CLUH: variants seen among roughly 807,000 people sequenced by gnomAD.
CLUH encodes clustered mitochondria protein homolog.
Under a neutral mutation model 139.3 loss-of-function variants are expected in CLUH, and 77 were observed. The observed-to-expected ratio is 0.55, with a 90% CI of 0.46 to 0.67. The LOEUF is 0.67. Among genes scored for constraint, CLUH ranks in the 30% least tolerant of loss-of-function variants. The pLI is 0.00. For synonymous variants in CLUH, 999 were observed against 801.6 expected (o/e 1.25, Z -4.16); for missense variants, 1,876 against 1,875.8 (o/e 1.00, Z 0.00).
rs1394219601 is a variant in CLUH at position 2,692,831 on chromosome 17, C to T, written c.3261G>A (p.Leu1087=). The part of the protein sequence containing the change: ...EALSNQQKAV[L]MSERVMGTEH... Reference sequence around the variant, plus strand: ...CGGTGCCCATCACCCGCTCGCTCATCAGCACCGCCTTCTGCTGGTTACTCA... The same window carrying T: ...CGGTGCCCATCACCCGCTCGCTCATTAGCACCGCCTTCTGCTGGTTACTCA... The change falls in exon 20 of 26, where the codon CTG becomes CTA. Residue 1087 remains leucine (L), a synonymous_variant. Coordinates refer to ENST00000651024, the MANE Select transcript of CLUH (RefSeq NM_001366661.1). The T allele has an allele frequency of 1.2e-6, 2 of 1,603,486 alleles. No individual in the cohort carries two copies. The highest frequency in any genetic ancestry group is 8.5e-7 in the Non-Finnish European group (1 of 1,173,326).
Position 2,691,925 on chromosome 17 carries a change from C to T in CLUH, c.3655-30G>A, listed in dbSNP as rs757252647. 515 of 1,459,352 alleles carry T rather than the reference C, an allele frequency of 3.5e-4. 3 individuals carry two copies. The highest frequency in any genetic ancestry group is 4.3e-4 in the Non-Finnish European group (476 of 1,101,844). 90.4% of individuals were successfully genotyped at this position (1,459,352 alleles called of 1,614,324 possible). A position where few individuals can be genotyped will look rare whatever the true frequency, so the allele number is the denominator to read the frequency against. On this transcript the variant is annotated intron_variant, in intron 23 of 25. Coordinates refer to ENST00000651024, the MANE Select transcript of CLUH (RefSeq NM_001366661.1). ...GGGGAGGCGGGAAGGGATCAGGCCC[C>T]CCCGTGCCCCCGCGGCCCCGCCCCC...
rs545856331 is a variant in CLUH at position 2,690,289 on chromosome 17, C to T, written c.*305G>A. 129 of 354,066 alleles carry T rather than the reference C, an allele frequency of 3.6e-4. 1 individual carries two copies. The South Asian group carries it at 9.5e-3, about 26-fold the overall frequency. 21.9% of individuals were successfully genotyped at this position (354,066 alleles called of 1,614,324 possible). On this transcript the variant is annotated 3_prime_UTR_variant, in exon 26 of 26. Transcript: ENST00000651024. ...CAACACTCACAGCCAGGGGCGCACT[C>T]GCACACGCCGGCCGGACGGCGGGGG...
At position 2,695,121 on chromosome 17, in the gene CLUH, C is replaced by T. The variant is rs556159791; in HGVS notation, c.2608-20G>A. On this transcript the variant is annotated intron_variant, in intron 15 of 25. Coordinates refer to ENST00000651024, the MANE Select transcript of CLUH (RefSeq NM_001366661.1). ...GACTCCCTGCGAGGCAGGTTGGATC[C>T]GAGTCATGAGGGCCCTCAGCCCCAC... 109 of 1,612,302 alleles carry T rather than the reference C, an allele frequency of 6.8e-5. 1 individual carries two copies. The South Asian group carries it at 1.1e-3, about 16-fold the overall frequency.
Position 2,689,546 on chromosome 17 carries a change from G to T in CLUH, c.*1048C>A, listed in dbSNP as rs1183632484. The T allele has an allele frequency of 2.6e-5, 4 of 152,826 alleles. No homozygotes were observed. The allele number at this position is 152,826 out of a possible 1,614,324, so 9.5% of individuals were successfully genotyped here. ...TCTGGACGGACCACACCCATAAGCG[G>T]CTCTCCGCAAACCCAGGCAGACGCC... On this transcript the variant is annotated 3_prime_UTR_variant, in exon 26 of 26. Transcript: ENST00000651024.
At position 2,704,528 on chromosome 17, in the gene CLUH, G is replaced by A. The variant is rs1041341826; in HGVS notation, c.137C>T (p.Pro46Leu). 1.9e-6 allele frequency: 3 copies of A among 1,579,348 alleles called. No individual in the cohort carries two copies. The highest frequency in any genetic ancestry group is 2.7e-5 in the African/African-American group (2 of 74,036). Reference protein sequence around the residue: ...PSVMLLNGDCPESLKKEAAAA... With the variant: ...PSVMLLNGDCLESLKKEAAAA... ...CGCCGCCTCCTTCTTCAGGCTCTCT[G>A]GGCAGTCCCCGTTTAAGAGCATGAC... The change falls in exon 2 of 26, where the codon CCA (proline) becomes CTA (leucine). Residue 46 changes from proline (P) to leucine (L), a missense_variant. This residue lies in a region of CLUH where 152 missense variants were observed against 136.7 expected (regional missense o/e 1.11). Coordinates refer to ENST00000651024, the MANE Select transcript of CLUH (RefSeq NM_001366661.1). This position sits in a 1 kb window ranked among gnomAD's most constrained non-coding sequence, Gnocchi z 5.7.
In CLUH at chr17:2,696,249, G is replaced by A. The variant is rs1377857441; in HGVS notation, c.2301C>T (p.Phe767=). Residue 767 remains phenylalanine, a synonymous_variant, in exon 13 of 26, where the codon TTC becomes TTT. Transcript: ENST00000651024. The stretch of plus-strand genomic sequence containing the variant: ...GAACTTCATCCTGGCAGGACTCAGG[G>A]AAACGAACCCCTGGAGGAGGGAGAG... ...NPDIFSPGVR[F]PESCQDEVRD... 9.5e-6 allele frequency: 15 copies of A among 1,573,228 alleles called. No homozygotes were observed. Among genetic ancestry groups the A allele is most frequent in the Non-Finnish European group, 1.3e-5 (15 of 1,159,896 alleles).
rs1372955708 is a variant in CLUH, at chr17:2,696,923, G to A, written c.1981C>T (p.Leu661=). 6.3e-7 allele frequency: 1 copy of A among 1,596,682 alleles called. No individual in the cohort carries two copies. The highest frequency in any genetic ancestry group is 8.5e-7 in the Non-Finnish European group (1 of 1,172,002). Reference sequence around the variant, plus strand: ...TGCTGCATCAGCTGCAAGGCGGCCAGCTTCATAAAGAGGAGGTACCTGGAG... The same window carrying A: ...TGCTGCATCAGCTGCAAGGCGGCCAACTTCATAAAGAGGAGGTACCTGGAG... The part of the protein sequence containing the change: ...VEHRYLLFMK[L]AALQLMQQNA... Residue 661 remains leucine (L), a synonymous_variant, in exon 11 of 26, where the codon CTG becomes TTG. Transcript: ENST00000651024.
intron 19 of CLUH, 99 bp downstream of exon 19, chr17:2,693,801 G>GGGTCTCC (rs1239533844): frequency 4.2e-6 from 6 of 1,433,140 alleles, no homozygotes; most frequent in Non-Finnish European, 4.7e-6. Flanking sequence ...CGACTTCCTG[G>GGGTCTCC]GGTCTCCCTG....
intron 1 of CLUH, among the ~76,000 whole-genome samples, chr17:2,708,727 C>CGACCCGCTCCCATG (rs908579953): frequency 2.0e-5 from 3 of 151,936 alleles, no homozygotes; most frequent in Admixed American, 6.6e-5. Flanking sequence ...CTGCTCCCGC[C>CGACCCGCTCCCATG]GACCCGCTCC....
In CLUH at chr17:2,704,261, A is replaced by G; in HGVS notation, c.303+101T>C. 1 of 1,284,138 alleles carries G rather than the reference A, an allele frequency of 7.8e-7. No homozygotes were observed. Among genetic ancestry groups the G allele is most frequent in the Non-Finnish European group, 1.1e-6 (1 of 936,634 alleles). 79.5% of individuals were successfully genotyped at this position (1,284,138 alleles called of 1,614,324 possible). A position where few individuals can be genotyped will look rare whatever the true frequency, so the allele number is the denominator to read the frequency against. On this transcript the variant is annotated intron_variant, in intron 2 of 25. Coordinates refer to ENST00000651024, the MANE Select transcript of CLUH (RefSeq NM_001366661.1). This position sits in a 1 kb window ranked among gnomAD's most constrained non-coding sequence, Gnocchi z 5.7. ...GGCACGGGATCCTCAGTTTCCTGCCACAAAATGGGGCCGGTAGGAGCACGA... is the reference window on the plus strand; with the variant it reads ...GGCACGGGATCCTCAGTTTCCTGCCGCAAAATGGGGCCGGTAGGAGCACGA...
intron 13 of CLUH, 72 bp downstream of exon 13, chr17:2,696,087 C>T: frequency 7.8e-7 from 1 of 1,277,406 alleles, no homozygotes; most frequent in Non-Finnish European, 1.1e-6. Context: ...TCATGGGCCT[C>T]CAAGTCGGAG....
At chr17:2,694,611 CCCCCAACACCGCCCCACCCAGCT>C in intron 16 of CLUH, 47 bp from the exon 17 acceptor site, 2 of 1,494,108 alleles carry the variant, frequency 1.3e-6, no homozygotes, top group Middle Eastern at 1.9e-4. Context: ...CCGCCGGGCC[CCCCCAACACCGCCCCACCCAGCT>C]CCCCAACGCT....
In CLUH at chr17:2,704,458, C is replaced by T. The variant is rs367607882; in HGVS notation, c.207G>A (p.Pro69=). 9 of 1,603,760 alleles carry T rather than the reference C, an allele frequency of 5.6e-6. No individual in the cohort carries two copies. Among genetic ancestry groups the T allele is most frequent in the African/African-American group, 1.3e-5 (1 of 74,622 alleles). ...PRENGLDEAG[P]GDETTGQEVI... ...CTTCCTGGCCGGTGGTCTCATCTCC[C>T]GGGCCGGCCTCGTCAAGCCCATTTT... The change falls in exon 2 of 26, where the codon CCG becomes CCA. Residue 69 remains proline (P), a synonymous_variant. Transcript: ENST00000651024. This position sits in a 1 kb window ranked among gnomAD's most constrained non-coding sequence, Gnocchi z 5.7.
Position 2,707,517 on chromosome 17 carries a change from T to C in CLUH, c.101-2953A>G, listed in dbSNP as rs1273164184. 3.0e-6 allele frequency: 3 copies of C among 985,188 alleles called. No individual in the cohort carries two copies. The highest frequency in any genetic ancestry group is 3.5e-5 in the African/African-American group (2 of 57,222). 61.0% of individuals were successfully genotyped at this position (985,188 alleles called of 1,614,324 possible). On this transcript the variant is annotated intron_variant, in intron 1 of 25. Coordinates refer to ENST00000651024, the MANE Select transcript of CLUH (RefSeq NM_001366661.1). This position sits in a 1 kb window ranked among gnomAD's most constrained non-coding sequence, Gnocchi z 7.4. ...ATCAGCACTCAGGCCCACCTCCCTA[T>C]GCCCCCTAGAGAGGGGGTCACTGCC...
chr17:2,696,365 A>C, intron 12 of CLUH, 69 bp downstream of exon 12: 1 of 1,515,118 alleles, frequency 6.6e-7, no homozygotes, highest in Non-Finnish European at 9.0e-7. Flanking sequence ...ACCAGCCCCA[A>C]GGGCCCAGGC....
Position 2,691,937 on chromosome 17 carries a change from G to GCGGCCC in CLUH, c.3655-48_3655-43dup, listed in dbSNP as rs757854620. 4.7e-6 allele frequency: 5 copies of GCGGCCC among 1,054,942 alleles called. No individual in the cohort carries two copies. The African/African-American group carries it at 1.1e-4, about 23-fold the overall frequency. The allele number at this position is 1,054,942 out of a possible 1,614,324, so 65.3% of individuals were successfully genotyped here. ...AGGGATCAGGCCCCCCCGTGCCCCC[G>GCGGCCC]CGGCCCCGCCCCCGCCCCGCCACGC... is the stretch of plus-strand genomic sequence containing the variant. On this transcript the variant is annotated intron_variant, in intron 23 of 25. Coordinates refer to ENST00000651024, the MANE Select transcript of CLUH (RefSeq NM_001366661.1).
chr17:2,694,661 C>T, intron 16 of CLUH, 97 bp from the exon 17 acceptor site: 2 of 1,369,530 alleles, frequency 1.5e-6, no homozygotes, highest in Non-Finnish European at 1.0e-6. Context: ...CCCGGGCCCC[C>T]AACACTGCCC....
chr17:2,699,630 G>T (rs2070103324), intron 9 of CLUH, among the ~76,000 whole-genome samples: 1 of 134,632 alleles, frequency 7.4e-6, no homozygotes, highest in African/African-American at 2.6e-5. Flanking sequence ...GCCTGGCTGA[G>T]ATTTCTTTTT....
chr17:2,707,870 G>A lies in CLUH; in HGVS notation c.101-3306C>T. On this transcript the variant is annotated intron_variant, in intron 1 of 25. Coordinates refer to ENST00000651024, the MANE Select transcript of CLUH (RefSeq NM_001366661.1). The surrounding 1 kb of genome is among the most constrained non-coding windows in gnomAD (Gnocchi z 7.4). ...CCTGGCTGCCAGCCCCTTCCTGGGA[G>A]TCACTGGTTCTGGTGGAAGGGAGGG... 1.0e-6 allele frequency: 1 copy of A among 985,468 alleles called. No homozygotes were observed. Among genetic ancestry groups the A allele is most frequent in the Non-Finnish European group, 1.2e-6 (1 of 829,938 alleles). The allele number at this position is 985,468 out of a possible 1,614,324, so 61.0% of individuals were successfully genotyped here. A position where few individuals can be genotyped will look rare whatever the true frequency, so the allele number is the denominator to read the frequency against.
Sources: allele counts gnomAD v4.1 joint callset (sites outside exome capture counted in the v4.1 genomes callset), GRCh38; gene constraint gnomAD v4.1.1; regional missense constraint gnomAD v4.1.1; non-coding constraint Gnocchi (gnomAD v3.1); transcripts MANE v1.5; gene names NCBI Gene and HGNC (gene_info 2026-07-23, HGNC 2026-07-21).